Variants in SEC13 observed in about 807,000 individuals in gnomAD.
The protein encoded by SEC13 is SEC13 homolog, nuclear pore and COPII component.
In SEC13, 25 loss-of-function variants were observed where a neutral mutation model predicts 49.2. The ratio of observed to expected loss-of-function variants is 0.51; its 90% confidence interval spans 0.37 to 0.71. SEC13 has a LOEUF of 0.71. Ranked by LOEUF, SEC13 falls within the 30% of genes least tolerant of loss-of-function variation. The pLI is 0.00. For synonymous variants in SEC13, 148 were observed against 163.9 expected (o/e 0.90, Z 0.74); for missense variants, 383 against 417.6 (o/e 0.92, Z 0.72).
intron 3 of SEC13, chr3:10,313,271 CTCTGT>C (rs1308696545): frequency 1.0e-5 from 3 of 298,618 alleles, no homozygotes; most frequent in African/African-American, 6.4e-5. Flanking sequence ...TGAGCACATG[CTCTGT>C]GCCAGGCTTT....
At chr3:10,308,506 C>CTAT (rs1701030498) in intron 5 of SEC13, among the ~76,000 whole-genome samples, 1 of 152,146 alleles carries the variant, frequency 6.6e-6, no homozygotes, top group Non-Finnish European at 1.5e-5. Context: ...CAGTTTTTGG[C>CTAT]TATTAAAGCT....
chr3:10,304,926 G>C (rs938713241), intron 7 of SEC13, 107 bp downstream of exon 7: 1 of 1,547,946 alleles, frequency 6.5e-7, no homozygotes, highest in Non-Finnish European at 8.8e-7. Flanking sequence ...AAAGGTGCCT[G>C]TTGCTCTCCC....
At chr3:10,305,262 C>T (rs1700800388) in intron 6 of SEC13, 106 bp from the exon 7 acceptor site, 2 of 1,443,448 alleles carry the variant, frequency 1.4e-6, no homozygotes, top group South Asian at 2.8e-5. Flanking sequence ...TTCCATCTTT[C>T]TTCTTTCATT....
chr3:10,305,491 GA>G (rs1400582069), intron 6 of SEC13, 67 bp downstream of exon 6: 1 of 1,555,916 alleles, frequency 6.4e-7, no homozygotes, highest in African/African-American at 1.4e-5. Context: ...GAGTGTGGCT[GA>G]GTCATGGTGA....
In SEC13 at chr3:10,321,017, A is replaced by G. The variant is rs768309094; in HGVS notation, c.3+33T>C. 3 of 1,609,556 alleles carry G rather than the reference A, an allele frequency of 1.9e-6. No homozygotes were observed. Among genetic ancestry groups the G allele is most frequent in the South Asian group, 1.1e-5 (1 of 90,164 alleles). The stretch of plus-strand genomic sequence containing the variant: ...CGTGAAGGCCGCGACCGTGGCCTTC[A>G]CCCTGCTAGGCCTCCTCAGTACCAA... On this transcript the variant is annotated intron_variant, in intron 1 of 8. Coordinates refer to ENST00000350697, the MANE Select transcript of SEC13 (RefSeq NM_183352.3). The surrounding 1 kb of genome is among the most constrained non-coding windows in gnomAD (Gnocchi z 4.1).
intron 1 of SEC13, chr3:10,319,246 G>A: frequency 6.2e-6 from 10 of 1,613,096 alleles, no homozygotes; most frequent in Non-Finnish European, 8.5e-6. Context: ...AGCAGTTCAA[G>A]AGGTACACAC....
chr3:10,316,314 C>T (rs1051211810), intron 2 of SEC13, among the ~76,000 whole-genome samples: 3 of 152,180 alleles, frequency 2.0e-5, no homozygotes, highest in Non-Finnish European at 4.4e-5. Flanking sequence ...CTATCAGCTG[C>T]ACTCCCATGG....
Position 10,321,103 on chromosome 3 carries a change from G to A in SEC13, c.-51C>T, listed in dbSNP as rs762608464. ...CTCGGACGTGGCAGCTCCCGGCGGC[G>A]CCTCGGAACAGCTCACTTCCGGCGC... On this transcript the variant is annotated 5_prime_UTR_variant, in exon 1 of 9. Transcript: ENST00000350697. This position sits in a 1 kb window ranked among gnomAD's most constrained non-coding sequence, Gnocchi z 4.1. The A allele has an allele frequency of 1.9e-6, 3 of 1,611,798 alleles. No individual in the cohort carries two copies. The highest frequency in any genetic ancestry group is 1.1e-5 in the South Asian group (1 of 90,656).
At chr3:10,309,313 TGG>T (rs916339222) in intron 5 of SEC13, among the ~76,000 whole-genome samples, 1 of 152,224 alleles carries the variant, frequency 6.6e-6, no homozygotes, top group Non-Finnish European at 1.5e-5. Flanking sequence ...GAAAGTTTTC[TGG>T]ATTACTTTTT....
rs779495879 is a variant in SEC13 at position 10,303,959 on chromosome 3, CCT to C, written c.855+65_855+66del. On this transcript the variant is annotated intron_variant, in intron 8 of 8. Transcript: ENST00000350697. The stretch of plus-strand genomic sequence containing the variant: ...GCAGTCAGATGGGAATGTCAAGTGC[CCT>C]CTCTAGTGGGCGGGGTGAAGACCAA... The C allele has an allele frequency of 2.5e-6, 4 of 1,572,856 alleles. No homozygotes were observed. The East Asian group carries it at 6.7e-5, about 27-fold the overall frequency.
intron 7 of SEC13, among the ~76,000 whole-genome samples, chr3:10,304,405 C>T (rs776156433): frequency 3.6e-4 from 55 of 152,086 alleles, no homozygotes; most frequent in Non-Finnish European, 5.9e-4. Context: ...ACTCTGTCTG[C>T]ATTGCTAACT....
intron 5 of SEC13, among the ~76,000 whole-genome samples, chr3:10,310,090 C>T (rs918853212): frequency 6.6e-6 from 1 of 152,172 alleles, no homozygotes; most frequent in Non-Finnish European, 1.5e-5. Context: ...TATTGTGGGC[C>T]GCTTCCACTC....
intron 1 of SEC13, among the ~76,000 whole-genome samples, chr3:10,319,508 A>G (rs539889927): frequency 1.1e-3 from 165 of 152,250 alleles, no homozygotes; most frequent in Non-Finnish European, 1.7e-3. Context: ...AGTTCAAGGC[A>G]GACCTGGGAA....
At chr3:10,307,690 G>A (rs73030485) in intron 5 of SEC13, among the ~76,000 whole-genome samples, 37,499 of 152,070 alleles carry the variant, frequency 0.25, 5,403 homozygotes, top group South Asian at 0.44. Flanking sequence ...AACTCCCACT[G>A]GTTACCCCCT....
At chr3:10,317,818 C>A (rs1043071347) in intron 2 of SEC13, among the ~76,000 whole-genome samples, 12 of 152,076 alleles carry the variant, frequency 7.9e-5, no homozygotes, top group Admixed American at 2.6e-4. Flanking sequence ...CAAATTATTC[C>A]CAGGTTCCTC....
intron 3 of SEC13, among the ~76,000 whole-genome samples, chr3:10,314,145 C>T (rs1473022242): frequency 6.6e-6 from 1 of 151,868 alleles, no homozygotes; most frequent in Non-Finnish European, 1.5e-5. Context: ...AGAAGGGTTT[C>T]ACCCTGTCAT....
chr3:10,313,298 A>G, intron 3 of SEC13: 1 of 377,042 alleles, frequency 2.7e-6, no homozygotes. Context: ...TACGGTGACC[A>G]TTTCTCTGGC....
At chr3:10,309,515 T>G (rs1701115324) in intron 5 of SEC13, among the ~76,000 whole-genome samples, 2 of 152,222 alleles carry the variant, frequency 1.3e-5, no homozygotes, top group African/African-American at 4.8e-5. Flanking sequence ...GTCTTAGTCT[T>G]TCTTTACTTC....
At chr3:10,316,690 G>A (rs911318227) in intron 2 of SEC13, among the ~76,000 whole-genome samples, 2 of 152,158 alleles carry the variant, frequency 1.3e-5, no homozygotes, top group African/African-American at 2.4e-5. Context: ...GATAGCATCT[G>A]TCTCAACAGT....
Sources: allele counts gnomAD v4.1 joint callset (sites outside exome capture counted in the v4.1 genomes callset), GRCh38; gene constraint gnomAD v4.1.1; non-coding constraint Gnocchi (gnomAD v3.1); transcripts MANE v1.5; gene names NCBI Gene and HGNC (gene_info 2026-07-23, HGNC 2026-07-21).